Variants in RORA observed in about 807,000 individuals in gnomAD.
The protein encoded by RORA is RAR related orphan receptor A, also known as nuclear receptor ROR-alpha.
RORA carries 7 observed loss-of-function variants against 69.5 expected under a neutral mutation model. The observed-to-expected ratio is 0.10, with a 90% confidence interval of 0.06 to 0.19. The LOEUF is 0.19. Among genes scored for constraint, RORA ranks in the 10% least tolerant of loss-of-function variants. The pLI, the probability that RORA is intolerant of heterozygous loss-of-function variation, is 1.00. For synonymous variants in RORA, 261 were observed against 240.8 expected (o/e 1.08, Z -0.78); for missense variants, 457 against 663.0 (o/e 0.69, Z 3.41).
intron 1 of RORA, among the ~76,000 whole-genome samples, chr15:60,730,496 T>G (rs896443224): frequency 6.6e-6 from 1 of 152,356 alleles, no homozygotes; most frequent in African/African-American, 2.4e-5. Context: ...TGCAGTAGTA[T>G]GTAGAATACA....
chr15:61,013,779 C>CTTTTTTTTT (rs3053960), intron 1 of RORA, among the ~76,000 whole-genome samples: 1 of 70,934 alleles, frequency 1.4e-5, no homozygotes, highest in Non-Finnish European at 2.5e-5. Context: ...ACTGGGTTGG[C>CTTTTTTTTT]TTTTTTTTTT....
chr15:60,705,030 G>A lies in RORA; in HGVS notation c.167-26344C>T, dbSNP rs542073262. On this transcript the variant is annotated intron_variant, in intron 1 of 10. Coordinates refer to ENST00000335670, the MANE Select transcript of RORA (RefSeq NM_134261.3). ...GTGAGCCCACAGAGGCATTGCAGAC[G>A]TTTGCTCTGAGTTTTCGTCTCGAAA... is the stretch of plus-strand genomic sequence containing the variant. 3.4e-4 allele frequency among the ~76,000 whole-genome samples: 52 copies of A among 152,074 alleles called. 1 individual carries two copies. In the South Asian group the frequency reaches 8.3e-3, roughly 24 times the overall value.
At chr15:60,605,329 A>T (rs1450759141) in intron 2 of RORA, among the ~76,000 whole-genome samples, 1 of 152,172 alleles carries the variant, frequency 6.6e-6, no homozygotes, top group Non-Finnish European at 1.5e-5. Context: ...TCCTAGACAA[A>T]CAAGGACATT....
At chr15:61,205,401 A>T (rs2079931678) in intron 1 of RORA, among the ~76,000 whole-genome samples, 2 of 152,176 alleles carry the variant, frequency 1.3e-5, no homozygotes, top group Admixed American at 1.3e-4. Context: ...TACACAGCAC[A>T]CGCCTCTGCC....
intron 2 of RORA, among the ~76,000 whole-genome samples, chr15:60,611,561 A>AAAAAAAC (rs2069089733): frequency 8.6e-6 from 1 of 115,664 alleles, no homozygotes; most frequent in Non-Finnish European, 1.8e-5. Flanking sequence ...GAGTTTTGCA[A>AAAAAAAC]AAAAAAAAAA....
chr15:60,607,886 T>C (rs961512789), intron 2 of RORA, among the ~76,000 whole-genome samples: 2 of 152,240 alleles, frequency 1.3e-5, no homozygotes, highest in African/African-American at 4.8e-5. Context: ...AACTTGGCGT[T>C]GTTTCCATTC....
intron 1 of RORA, among the ~76,000 whole-genome samples, chr15:61,116,719 G>C (rs1489097120): frequency 1.3e-5 from 2 of 152,080 alleles, no homozygotes; most frequent in Non-Finnish European, 2.9e-5. Context: ...GGTGAGTTCT[G>C]TTCCTGGCTC....
chr15:61,065,855 T>C, intron 1 of RORA, among the ~76,000 whole-genome samples: 1 of 152,240 alleles, frequency 6.6e-6, no homozygotes. Flanking sequence ...TCCTTTAATC[T>C]GACTACATTT....
chr15:61,178,863 T>C (rs968471079), intron 1 of RORA, among the ~76,000 whole-genome samples: 1 of 152,216 alleles, frequency 6.6e-6, no homozygotes. Context: ...CCATATAGAC[T>C]ATACCCGCTT....
intron 1 of RORA, among the ~76,000 whole-genome samples, chr15:60,824,987 T>C (rs2072938173): frequency 6.6e-6 from 1 of 152,236 alleles, no homozygotes; most frequent in South Asian, 2.1e-4. Flanking sequence ...AACGTAGGAC[T>C]GTATGGCTAG....
At chr15:60,631,610 T>C (rs992335756) in intron 2 of RORA, among the ~76,000 whole-genome samples, 2 of 152,168 alleles carry the variant, frequency 1.3e-5, no homozygotes, top group Admixed American at 1.3e-4. Context: ...AACTCTACCT[T>C]TGCCAGGTAG....
rs74555295 is a variant in RORA, at chr15:60,603,502, A to C, written c.197-71651T>G. On this transcript the variant is annotated intron_variant, in intron 2 of 10. Coordinates refer to ENST00000335670, the MANE Select transcript of RORA (RefSeq NM_134261.3). ...GTTAAGTTCTATAAAGTTCCCAGGA[A>C]CACTGAATTTTAAAAGACAAAATTA... Among the ~76,000 whole-genome samples the C allele has an allele frequency of 3.5e-3, 529 of 152,346 alleles. 6 individuals are homozygous for C. The highest frequency in any genetic ancestry group is 0.011 in the African/African-American group (462 of 41,584).
chr15:60,997,337 A>C (rs4278684), intron 1 of RORA, among the ~76,000 whole-genome samples: 66,629 of 151,738 alleles, frequency 0.44, 15,868 homozygotes, highest in Non-Finnish European at 0.54. Flanking sequence ...GGCTCAGAGA[A>C]GGAAAACAAT....
chr15:60,885,292 T>C (rs1344009953), intron 1 of RORA, among the ~76,000 whole-genome samples: 1 of 152,228 alleles, frequency 6.6e-6, no homozygotes, highest in East Asian at 1.9e-4. Context: ...AGTAGAACCA[T>C]GTAGAGATAA....
intron 4 of RORA, among the ~76,000 whole-genome samples, chr15:60,513,756 G>A (rs1265260215): frequency 6.6e-6 from 1 of 152,128 alleles, no homozygotes; most frequent in Non-Finnish European, 1.5e-5. Context: ...ATCTACAGGC[G>A]CTAAGAACAT....
At chr15:60,610,418 CCTT>C (rs150327332) in intron 2 of RORA, among the ~76,000 whole-genome samples, 1,850 of 152,248 alleles carry the variant, frequency 0.012, 48 homozygotes, top group African/African-American at 0.043. Context: ...CCAGGGGTGA[CCTT>C]CTGAGTGAAC....
At chr15:60,729,552 A>G (rs1595666157) in intron 1 of RORA, among the ~76,000 whole-genome samples, 1 of 152,218 alleles carries the variant, frequency 6.6e-6, no homozygotes, top group African/African-American at 2.4e-5. Context: ...TGAGTATGTA[A>G]TATGCAATAT....
chr15:60,592,478 C>A, intron 2 of RORA: 1 of 1,350,534 alleles, frequency 7.4e-7, no homozygotes, highest in Non-Finnish European at 9.5e-7. Flanking sequence ...GCCCCCTCTG[C>A]CGCCGCCGCG....
At chr15:60,829,309 A>G (rs1479597718) in intron 1 of RORA, among the ~76,000 whole-genome samples, 2 of 152,112 alleles carry the variant, frequency 1.3e-5, no homozygotes, top group Non-Finnish European at 1.5e-5. Context: ...TCAACTCTAC[A>G]TCTCACCGGG....
Sources: gnomAD v4.1 joint callset for allele counts (sites outside exome capture counted in the v4.1 genomes callset) on GRCh38, gnomAD v4.1.1 for gene constraint, MANE v1.5 for transcripts, NCBI Gene and HGNC (gene_info 2026-07-23, HGNC 2026-07-21) for gene names.